ATG7: variants seen among roughly 807,000 people sequenced by gnomAD.
The protein encoded by ATG7 is autophagy related 7, also known as ubiquitin-like modifier-activating enzyme ATG7.
In ATG7, 70 loss-of-function variants were observed where a neutral mutation model predicts 82.4. That is an observed-to-expected ratio of 0.85 (90% CI 0.70 to 1.04). The LOEUF is 1.04. Among genes scored for constraint, ATG7 ranks in the 50% least tolerant of loss-of-function variants. ATG7 has a pLI of 0.00. For synonymous variants in ATG7, 287 were observed against 313.0 expected, an observed-to-expected ratio of 0.92 and a Z score of 0.88; for missense variants, 792 against 864.3, an observed-to-expected ratio of 0.92 and a Z score of 1.05.
intron 11 of ATG7, among the ~76,000 whole-genome samples, chr3:11,339,924 A>G (rs1053204308): frequency 2.0e-5 from 3 of 152,218 alleles, no homozygotes; most frequent in African/African-American, 7.2e-5. Flanking sequence ...AGATATAAGT[A>G]TAGAAGCATT....
At chr3:11,399,368 T>C (rs996958171) in intron 19 of ATG7, among the ~76,000 whole-genome samples, 8 of 151,672 alleles carry the variant, frequency 5.3e-5, no homozygotes, top group Non-Finnish European at 5.9e-5. Context: ...AAAATATAAA[T>C]CGGATGGAAA....
chr3:11,404,977 A>G (rs931414431), intron 19 of ATG7, among the ~76,000 whole-genome samples: 1 of 152,194 alleles, frequency 6.6e-6, no homozygotes, highest in Non-Finnish European at 1.5e-5. Flanking sequence ...ATCATATCAC[A>G]TATTTTCTAG....
intron 20 of ATG7, among the ~76,000 whole-genome samples, chr3:11,509,387 C>G (rs1051486323): frequency 9.2e-5 from 14 of 151,582 alleles, no homozygotes; most frequent in Admixed American, 9.2e-4. Context: ...ACATGAATTT[C>G]AGTGTGGTTT....
chr3:11,397,918 A>G (rs1230093040), intron 19 of ATG7, among the ~76,000 whole-genome samples: 1 of 151,430 alleles, frequency 6.6e-6, no homozygotes, highest in Non-Finnish European at 1.5e-5. Context: ...CCACATCTCT[A>G]CTAAAAAATA....
At chr3:11,569,115 C>A in the ATG7 span, among the ~76,000 whole-genome samples, 1 of 152,216 alleles carries the variant, frequency 6.6e-6, no homozygotes, top group Non-Finnish European at 1.5e-5. Flanking sequence ...TTGAAAGAAT[C>A]CATCACGTGA....
intron 20 of ATG7, among the ~76,000 whole-genome samples, chr3:11,472,915 G>A (rs1192067165): frequency 1.3e-5 from 2 of 152,152 alleles, no homozygotes; most frequent in Non-Finnish European, 2.9e-5. Context: ...CAGTGGTTTT[G>A]AGCTAGAATC....
chr3:11,544,380 AGCTACT>A (rs1462928127), intron 20 of ATG7, among the ~76,000 whole-genome samples: 1 of 152,208 alleles, frequency 6.6e-6, no homozygotes, highest in African/African-American at 2.4e-5. Context: ...AGAGCCCCAC[AGCTACT>A]GCCTTGCAGA....
intron 20 of ATG7, among the ~76,000 whole-genome samples, chr3:11,535,727 GA>G (rs771894729): frequency 6.6e-6 from 1 of 152,144 alleles, no homozygotes; most frequent in Non-Finnish European, 1.5e-5. Context: ...GCGCTGGGGG[GA>G]GAACCTTGTG....
chr3:11,280,267 T>C (rs966876714), intron 1 of ATG7, among the ~76,000 whole-genome samples: 4 of 152,166 alleles, frequency 2.6e-5, no homozygotes, highest in Middle Eastern at 3.2e-3. Context: ...GGGCATGTTA[T>C]TGGTAAACAA....
chr3:11,525,786 C>T (rs547365459), intron 20 of ATG7, among the ~76,000 whole-genome samples: 73 of 151,722 alleles, frequency 4.8e-4, no homozygotes, highest in Non-Finnish European at 8.8e-4. Context: ...GATCTCCTGA[C>T]GTTGTGATCT....
chr3:11,289,012 T>A (rs1176974334), intron 3 of ATG7, among the ~76,000 whole-genome samples: 1 of 152,172 alleles, frequency 6.6e-6, no homozygotes, highest in East Asian at 1.9e-4. Flanking sequence ...AGTGACACAA[T>A]CCCATCTTGT....
At chr3:11,435,384 A>T (rs1200335215) in intron 20 of ATG7, among the ~76,000 whole-genome samples, 1 of 151,970 alleles carries the variant, frequency 6.6e-6, no homozygotes, top group Non-Finnish European at 1.5e-5. Flanking sequence ...ACTCAAATCC[A>T]CCCTGGCCAT....
At chr3:11,401,525 T>G (rs1382409754) in intron 19 of ATG7, among the ~76,000 whole-genome samples, 1 of 152,226 alleles carries the variant, frequency 6.6e-6, no homozygotes, top group Admixed American at 6.5e-5. Flanking sequence ...ACTACACTCA[T>G]GGTATCCACT....
chr3:11,440,545 C>T (rs1006267857), intron 20 of ATG7, among the ~76,000 whole-genome samples: 23 of 150,462 alleles, frequency 1.5e-4, no homozygotes, highest in East Asian at 1.2e-3. Flanking sequence ...GGGATGGTCT[C>T]GATCTCCTGA....
chr3:11,450,768 G>A (rs570529361), intron 20 of ATG7, among the ~76,000 whole-genome samples: 2 of 152,318 alleles, frequency 1.3e-5, no homozygotes, highest in African/African-American at 4.8e-5. Context: ...GTCTTCTAGA[G>A]TGATATAGGT....
intron 14 of ATG7, among the ~76,000 whole-genome samples, chr3:11,355,663 T>C (rs1249238568): frequency 6.6e-6 from 1 of 152,160 alleles, no homozygotes; most frequent in African/African-American, 2.4e-5. Flanking sequence ...CAGAGAGATA[T>C]ATCACTATAC....
chr3:11,342,350 A>T, intron 13 of ATG7, 71 bp downstream of exon 13: 1 of 1,503,568 alleles, frequency 6.7e-7, no homozygotes, highest in Non-Finnish European at 8.9e-7. Context: ...TACTCTCATG[A>T]TTGCCTTCCA....
intron 20 of ATG7, among the ~76,000 whole-genome samples, chr3:11,439,862 A>T (rs951864012): frequency 2.0e-5 from 3 of 152,240 alleles, no homozygotes; most frequent in African/African-American, 7.2e-5. Flanking sequence ...TGTGATTTTC[A>T]GGGCGCTTTT....
chr3:11,404,228 C>T (rs974493749), intron 19 of ATG7, among the ~76,000 whole-genome samples: 18 of 150,222 alleles, frequency 1.2e-4, no homozygotes, highest in Non-Finnish European at 8.9e-5. Context: ...CTCCATCTCC[C>T]GGGTTCAAGT....
Sources: allele counts gnomAD v4.1 joint callset (sites outside exome capture counted in the v4.1 genomes callset), GRCh38; gene constraint gnomAD v4.1.1; transcripts MANE v1.5; gene names NCBI Gene and HGNC (gene_info 2026-07-23, HGNC 2026-07-21).